The following DCC variants were observed in gnomAD, a reference collection of about 807,000 sequenced individuals.
The protein encoded by DCC is DCC netrin 1 receptor, also known as netrin receptor DCC.
In DCC, 58 loss-of-function variants were observed where a neutral mutation model predicts 172.5. The observed-to-expected ratio is 0.34, with a 90% CI of 0.27 to 0.42. DCC has a LOEUF of 0.42. Ranked by LOEUF, DCC falls within the 10% of genes least tolerant of loss-of-function variation. DCC has a pLI of 1.00. For synonymous variants in DCC, 709 were observed against 644.5 expected (o/e 1.10, Z -1.52); for missense variants, 1,740 against 1,791.0 (o/e 0.97, Z 0.51).
At chr18:52,790,933 C>A (rs1026533494) in intron 2 of DCC, among the ~76,000 whole-genome samples, 1 of 152,146 alleles carries the variant, frequency 6.6e-6, no homozygotes, top group Non-Finnish European at 1.5e-5. Context: ...CCTTTACTTG[C>A]CTAAGGTCCT....
intron 14 of DCC, among the ~76,000 whole-genome samples, chr18:53,328,562 T>A (rs1360455695): frequency 6.6e-6 from 1 of 152,140 alleles, no homozygotes; most frequent in Non-Finnish European, 1.5e-5. Flanking sequence ...TTAGACAGAA[T>A]CTGGCTCTGT....
intron 5 of DCC, among the ~76,000 whole-genome samples, chr18:52,950,395 A>G (rs1598962169): frequency 1.3e-5 from 2 of 152,224 alleles, no homozygotes; most frequent in African/African-American, 2.4e-5. Context: ...TTTAAAAACC[A>G]TCACCACATT....
chr18:52,376,882 A>G (rs1166397955), intron 1 of DCC, among the ~76,000 whole-genome samples: 1 of 152,212 alleles, frequency 6.6e-6, no homozygotes, highest in East Asian at 1.9e-4. Context: ...GGAAGGGGAT[A>G]AGATGTAATG....
Position 52,650,145 on chromosome 18 carries a change from AT to A in DCC, c.92-101904del, listed in dbSNP as rs112693774. Among the ~76,000 whole-genome samples the A allele has an allele frequency of 8.2e-4, 125 of 151,956 alleles. 1 individual carries two copies. The highest frequency in any genetic ancestry group is 2.9e-3 in the African/African-American group (120 of 41,456). The stretch of plus-strand genomic sequence containing the variant: ...AGGAATGTACCACCACGCCTCGCTA[AT>A]TTTTGTGTTTTGAGTAGAGATGGGG... On this transcript the variant is annotated intron_variant, in intron 1 of 28. Transcript: ENST00000442544.
At chr18:53,059,643 C>G (rs1030077566) in intron 5 of DCC, among the ~76,000 whole-genome samples, 4 of 152,076 alleles carry the variant, frequency 2.6e-5, no homozygotes, top group Non-Finnish European at 5.9e-5. Flanking sequence ...CCGTTATTTT[C>G]TCTAAATAGT....
intron 5 of DCC, among the ~76,000 whole-genome samples, chr18:52,985,497 T>C (rs1469424788): frequency 6.6e-6 from 1 of 152,154 alleles, no homozygotes; most frequent in East Asian, 1.9e-4. Flanking sequence ...GCTTTTACGA[T>C]ATTCTAGGAA....
chr18:52,645,237 G>A (rs577364313), intron 1 of DCC, among the ~76,000 whole-genome samples: 33 of 152,208 alleles, frequency 2.2e-4, no homozygotes, highest in African/African-American at 7.9e-4. Context: ...GTTCATCGCA[G>A]CTAGTAAGAC....
In DCC at chr18:52,512,188, G is replaced by C. The variant is rs569586986; in HGVS notation, c.91+171310G>C. ...GGACTCACCGATCCAACTATAAAAG[G>C]GTTGTGCAATTTTATTATTTGATTA... On this transcript the variant is annotated intron_variant, in intron 1 of 28. Transcript: ENST00000442544. Among the ~76,000 whole-genome samples the C allele has an allele frequency of 7.4e-4, 112 of 152,238 alleles. 1 individual carries two copies. Among genetic ancestry groups the C allele is most frequent in the African/African-American group, 2.6e-3 (106 of 41,560 alleles).
intron 20 of DCC, among the ~76,000 whole-genome samples, chr18:53,415,721 A>C (rs1229400467): frequency 6.6e-6 from 1 of 152,084 alleles, no homozygotes; most frequent in Non-Finnish European, 1.5e-5. Flanking sequence ...GAATTGGTGA[A>C]GTTGTTTAAA....
At chr18:52,749,886 A>T (rs7230601) in intron 1 of DCC, among the ~76,000 whole-genome samples, 31,974 of 151,994 alleles carry the variant, frequency 0.21, 4,802 homozygotes, top group African/African-American at 0.42. Flanking sequence ...TTTCAAATTT[A>T]TTTCTTCTTT....
rs1568299325 is a variant in DCC at position 53,091,850 on chromosome 18, TC to T, written c.1261+25685del. On this transcript the variant is annotated intron_variant, in intron 7 of 28. Transcript: ENST00000442544. Reference sequence around the variant, plus strand: ...ATCTATCTATCTATCTATCTATCTATCAATCTATCTATATATATATATATAT... The same window carrying T: ...ATCTATCTATCTATCTATCTATCTATAATCTATCTATATATATATATATAT... 5.4e-3 allele frequency among the ~76,000 whole-genome samples: 268 copies of T among 49,850 alleles called. 2 individuals carry two copies. Among genetic ancestry groups the T allele is most frequent in the African/African-American group, 0.027 (225 of 8,226 alleles). The allele number at this position is 49,850 out of a possible 152,430, so 32.7% of individuals were successfully genotyped here. A position where few individuals can be genotyped will look rare whatever the true frequency, so the allele number is the denominator to read the frequency against.
chr18:53,168,174 C>T (rs549672113), intron 8 of DCC, among the ~76,000 whole-genome samples: 2 of 152,178 alleles, frequency 1.3e-5, no homozygotes, highest in South Asian at 4.2e-4. Flanking sequence ...CAAGGATCTA[C>T]AACCAGAAAT....
chr18:53,011,194 A>G (rs958605153), intron 5 of DCC, among the ~76,000 whole-genome samples: 9 of 151,670 alleles, frequency 5.9e-5, no homozygotes, highest in African/African-American at 1.9e-4. Context: ...ATTTTGATAA[A>G]TTGTTGTGTT....
At chr18:52,999,049 A>C (rs1160834930) in intron 5 of DCC, among the ~76,000 whole-genome samples, 1 of 152,116 alleles carries the variant, frequency 6.6e-6, no homozygotes, top group Non-Finnish European at 1.5e-5. Flanking sequence ...ATTTGGGGCT[A>C]TGGACACAGT....
At chr18:53,170,513 T>C (rs772846845) in intron 8 of DCC, among the ~76,000 whole-genome samples, 6 of 152,224 alleles carry the variant, frequency 3.9e-5, no homozygotes, top group Non-Finnish European at 8.8e-5. Context: ...TCTCATTAAG[T>C]TATGTCCTCA....
intron 1 of DCC, among the ~76,000 whole-genome samples, chr18:52,393,284 T>G (rs1057409347): frequency 6.6e-6 from 1 of 152,090 alleles, no homozygotes; most frequent in African/African-American, 2.4e-5. Flanking sequence ...TCTCATGGAA[T>G]GTAGAGGGGA....
At chr18:53,111,141 T>C (rs1386308800) in intron 7 of DCC, among the ~76,000 whole-genome samples, 1 of 150,456 alleles carries the variant, frequency 6.6e-6, no homozygotes, top group Non-Finnish European at 1.5e-5. Flanking sequence ...CAGTAAGCTA[T>C]CGCAAGGACA....
intron 18 of DCC, among the ~76,000 whole-genome samples, chr18:53,398,342 A>G (rs1315612879): frequency 1.3e-5 from 2 of 152,126 alleles, no homozygotes; most frequent in Admixed American, 6.5e-5. Flanking sequence ...ATATTTTTAC[A>G]TATCTGTGGA....
At chr18:52,447,731 G>A (rs1051629142) in intron 1 of DCC, among the ~76,000 whole-genome samples, 2 of 152,084 alleles carry the variant, frequency 1.3e-5, no homozygotes, top group African/African-American at 4.8e-5. Flanking sequence ...GGAGGTAAAG[G>A]GGGAGCAGGC....
Sources: allele counts gnomAD v4.1 joint callset (sites outside exome capture counted in the v4.1 genomes callset), GRCh38; gene constraint gnomAD v4.1.1; transcripts MANE v1.5; gene names NCBI Gene and HGNC (gene_info 2026-07-23, HGNC 2026-07-21).